The following GDAP1 variants were observed in gnomAD, a reference collection of about 807,000 sequenced individuals.
GDAP1 encodes the protein ganglioside-induced differentiation-associated protein 1.
In GDAP1, 34 loss-of-function variants were observed where a neutral mutation model predicts 40.1. The observed-to-expected ratio is 0.85, with a 90% CI of 0.64 to 1.13. GDAP1 has a LOEUF of 1.13. Ranked by LOEUF, GDAP1 falls within the 50% of genes most tolerant of loss-of-function variation. GDAP1 has a pLI of 0.00. For missense variants in GDAP1, 374 were observed against 433.7 expected (o/e 0.86, Z 1.22); for synonymous variants, 170 against 157.4 (o/e 1.08, Z -0.60).
intron 2 of GDAP1, among the ~76,000 whole-genome samples, chr8:74,448,169 T>C (rs75960718): frequency 0.011 from 1,705 of 152,292 alleles, 22 homozygotes; most frequent in African/African-American, 0.039. Flanking sequence ...AATCATTACC[T>C]TCCACAGGCA....
At chr8:74,388,529 A>G (rs1352237879) in intron 2 of GDAP1, among the ~76,000 whole-genome samples, 2 of 152,046 alleles carry the variant, frequency 1.3e-5, no homozygotes, top group African/African-American at 4.8e-5. Flanking sequence ...GTTTGATTGC[A>G]CTGTGGTCTG....
chr8:74,422,505 TTCCTTCCTTCCTTCC>T, intron 2 of GDAP1, among the ~76,000 whole-genome samples: 1 of 30,754 alleles, frequency 3.3e-5, no homozygotes, highest in Non-Finnish European at 1.1e-4. Context: ...CCTTCCTTCC[TTCCTTCCTTCCTTCC>T]TTCCTTCCTT....
intron 2 of GDAP1, among the ~76,000 whole-genome samples, chr8:74,353,366 G>A (rs1016027590): frequency 6.6e-6 from 1 of 152,072 alleles, no homozygotes; most frequent in Non-Finnish European, 1.5e-5. Context: ...TGGGAAGGAC[G>A]AAAAAACGAT....
chr8:74,460,885 G>A (rs1806392828), intron 2 of GDAP1, among the ~76,000 whole-genome samples: 1 of 152,172 alleles, frequency 6.6e-6, no homozygotes, highest in Admixed American at 6.5e-5. Context: ...AATTAGAATA[G>A]CAGTGTTAAA....
intron 2 of GDAP1, among the ~76,000 whole-genome samples, chr8:74,470,279 T>C (rs990041489): frequency 3.3e-5 from 5 of 152,204 alleles, no homozygotes; most frequent in Admixed American, 2.0e-4. Flanking sequence ...ATACTCTAAG[T>C]TTTAGGATAC....
intron 2 of GDAP1, among the ~76,000 whole-genome samples, chr8:74,447,590 C>CA (rs1357603575): frequency 6.6e-6 from 1 of 152,106 alleles, no homozygotes. Flanking sequence ...AAGACCCTCT[C>CA]AGCCCCCTTT....
chr8:74,468,098 C>T (rs1806496207), intron 2 of GDAP1, among the ~76,000 whole-genome samples: 2 of 151,768 alleles, frequency 1.3e-5, no homozygotes, highest in African/African-American at 4.8e-5. Context: ...TTGGGCCTAC[C>T]TGTGGACTTA....
chr8:74,472,602 T>G (rs1016622429), intron 2 of GDAP1, among the ~76,000 whole-genome samples: 2 of 152,150 alleles, frequency 1.3e-5, no homozygotes, highest in Non-Finnish European at 2.9e-5. Flanking sequence ...AGCATCTGTT[T>G]TTTTTTGACT....
intron 2 of GDAP1, among the ~76,000 whole-genome samples, chr8:74,420,456 G>A (rs888880820): frequency 6.6e-6 from 1 of 152,076 alleles, no homozygotes; most frequent in African/African-American, 2.4e-5. Context: ...TATTATAATT[G>A]TAGGTTAGCA....
In GDAP1 at chr8:74,453,622, A is replaced by G. The variant is rs1157687132; in HGVS notation, c.166-35056A>G. Among the ~76,000 whole-genome samples the G allele has an allele frequency of 2.4e-5, 2 of 84,134 alleles. 1 individual carries two copies. Among genetic ancestry groups the G allele is most frequent in the East Asian group, 7.0e-4 (2 of 2,870 alleles). 55.2% of individuals were successfully genotyped at this position (84,134 alleles called of 152,430 possible). ...ATTAACTTTTTTATATGTAAGTGAG[A>G]TCTGGTATTTATTCTCTCTTAGCAA... On this transcript the variant is annotated intron_variant, in intron 2 of 2. Transcript: ENST00000523640.
At chr8:74,458,436 A>T (rs1389018839) in intron 2 of GDAP1, among the ~76,000 whole-genome samples, 2 of 152,210 alleles carry the variant, frequency 1.3e-5, no homozygotes, top group African/African-American at 4.8e-5. Flanking sequence ...ACTTACATGG[A>T]TACACTTCTT....
In GDAP1 at chr8:74,366,641, T is replaced by C; in HGVS notation, c.*2274T>C. ...AAATGCCTGAGGTACTAAAGTTATG[T>C]TGGCTTTTTGTGTCTTAACACACAT... On this transcript the variant is annotated 3_prime_UTR_variant, in exon 6 of 6. Coordinates refer to ENST00000220822, the MANE Select transcript of GDAP1 (RefSeq NM_018972.4). 2 of 453,892 alleles carry C rather than the reference T, an allele frequency of 4.4e-6. No homozygotes were observed. Among genetic ancestry groups the C allele is most frequent in the South Asian group, 1.6e-5 (1 of 64,424 alleles). The allele number at this position is 453,892 out of a possible 1,614,324, so 28.1% of individuals were successfully genotyped here. A position where few individuals can be genotyped will look rare whatever the true frequency, so the allele number is the denominator to read the frequency against.
intron 2 of GDAP1, 92 bp downstream of exon 2, chr8:74,351,558 C>T (rs1808878280): frequency 4.1e-6 from 4 of 974,076 alleles, no homozygotes; most frequent in Non-Finnish European, 5.0e-6. Flanking sequence ...CTCTCTCTTT[C>T]TCTTGTGTCA....
intron 2 of GDAP1, among the ~76,000 whole-genome samples, chr8:74,413,841 T>C (rs1170376768): frequency 6.7e-6 from 1 of 149,196 alleles, no homozygotes; most frequent in Non-Finnish European, 1.5e-5. Flanking sequence ...CACAGAGGTC[T>C]GGAAAAGGGA....
At chr8:74,471,463 A>G (rs1806554722) in intron 2 of GDAP1, among the ~76,000 whole-genome samples, 1 of 151,114 alleles carries the variant, frequency 6.6e-6, no homozygotes. Flanking sequence ...TTTTAAAAAA[A>G]ATAATTCCTT....
chr8:74,437,521 A>G (rs1051653281), intron 2 of GDAP1, among the ~76,000 whole-genome samples: 3 of 152,152 alleles, frequency 2.0e-5, no homozygotes, highest in Middle Eastern at 3.2e-3. Flanking sequence ...TTACAGGTAT[A>G]CTTGAGACCC....
chr8:74,468,973 G>A (rs768931808), intron 2 of GDAP1, among the ~76,000 whole-genome samples: 6 of 152,044 alleles, frequency 3.9e-5, no homozygotes, highest in Non-Finnish European at 5.9e-5. Flanking sequence ...TTAAAAATTA[G>A]GAATGATTTT....
chr8:74,458,953 A>G (rs1806368894), intron 2 of GDAP1, among the ~76,000 whole-genome samples: 1 of 152,154 alleles, frequency 6.6e-6, no homozygotes, highest in Non-Finnish European at 1.5e-5. Context: ...TGATATTTCA[A>G]TTTCAGATTT....
chr8:74,404,452 A>G (rs1805610837), intron 2 of GDAP1, among the ~76,000 whole-genome samples: 1 of 149,324 alleles, frequency 6.7e-6, no homozygotes, highest in Non-Finnish European at 1.5e-5. Context: ...CAAGATGTAT[A>G]TTATATAAAT....
Sources: allele counts gnomAD v4.1 joint callset (sites outside exome capture counted in the v4.1 genomes callset), GRCh38; gene constraint gnomAD v4.1.1; transcripts MANE v1.5; gene names NCBI Gene and HGNC (gene_info 2026-07-23, HGNC 2026-07-21).